The following FGF12 variants were observed in gnomAD, a reference collection of about 807,000 sequenced individuals.
The protein encoded by FGF12 is fibroblast growth factor 12, also known as fibroblast growth factor 12B.
A neutral mutation model predicts 23.6 loss-of-function variants in FGF12; 14 were observed. That is an observed-to-expected ratio of 0.59 (90% CI 0.39 to 0.93). The LOEUF (loss-of-function observed/expected upper bound fraction) is 0.93, where lower values mean the gene tolerates loss of function less well. Among genes scored for constraint, FGF12 ranks in the 40% least tolerant of loss-of-function variants. The pLI, the probability that FGF12 is intolerant of heterozygous loss-of-function variation, is 0.00. For missense variants in FGF12, 175 were observed against 217.8 expected (o/e 0.80, Z 1.24); for synonymous variants, 62 against 77.3 (o/e 0.80, Z 1.04).
At chr3:192,198,148 G>C (rs780104717) in intron 4 of FGF12, among the ~76,000 whole-genome samples, 6 of 152,018 alleles carry the variant, frequency 3.9e-5, no homozygotes, top group Non-Finnish European at 7.4e-5. Context: ...TCTAAAGGCA[G>C]AGAGCTGAGT....
At chr3:192,187,028 C>G (rs1222761154) in intron 4 of FGF12, among the ~76,000 whole-genome samples, 1 of 152,132 alleles carries the variant, frequency 6.6e-6, no homozygotes, top group Non-Finnish European at 1.5e-5. Context: ...TAAAAGGAAG[C>G]CAACCTCACT....
At chr3:192,654,059 C>T (rs1325268635) in intron 2 of FGF12, among the ~76,000 whole-genome samples, 1 of 152,164 alleles carries the variant, frequency 6.6e-6, no homozygotes, top group African/African-American at 2.4e-5. Context: ...GTGTGCCACT[C>T]AGACTTCACA....
At chr3:192,218,716 A>G (rs538733759) in intron 4 of FGF12, among the ~76,000 whole-genome samples, 1 of 152,228 alleles carries the variant, frequency 6.6e-6, no homozygotes, top group Non-Finnish European at 1.5e-5. Flanking sequence ...GACTAATCCA[A>G]TATGATTCAC....
At chr3:192,210,337 T>C (rs1717865003) in intron 4 of FGF12, among the ~76,000 whole-genome samples, 2 of 152,038 alleles carry the variant, frequency 1.3e-5, no homozygotes, top group Non-Finnish European at 2.9e-5. Context: ...CTGACCTGCA[T>C]ATGTGTGAGA....
At chr3:192,365,829 A>G (rs1560087084) in intron 2 of FGF12, among the ~76,000 whole-genome samples, 1 of 152,136 alleles carries the variant, frequency 6.6e-6, no homozygotes, top group Admixed American at 6.6e-5. Context: ...GCTATGAAGT[A>G]TTTCCTAGGT....
At chr3:192,661,416 C>G (rs541454064) in intron 2 of FGF12, among the ~76,000 whole-genome samples, 3 of 152,112 alleles carry the variant, frequency 2.0e-5, no homozygotes, top group Non-Finnish European at 4.4e-5. Context: ...ATCCCAGCTA[C>G]TTGGGAGACT....
chr3:192,707,333 A>T (rs1411525238), intron 2 of FGF12, among the ~76,000 whole-genome samples: 1 of 152,230 alleles, frequency 6.6e-6, no homozygotes, highest in Non-Finnish European at 1.5e-5. Flanking sequence ...AGCTGGCTTC[A>T]TGGGAGCTGA....
intron 2 of FGF12, among the ~76,000 whole-genome samples, chr3:192,648,340 T>C (rs1430474861): frequency 1.3e-5 from 2 of 152,144 alleles, no homozygotes; most frequent in Non-Finnish European, 2.9e-5. Context: ...TTGGTTTTGT[T>C]GATTTTTGTC....
intron 4 of FGF12, among the ~76,000 whole-genome samples, chr3:192,217,649 T>C (rs533357371): frequency 2.0e-5 from 3 of 152,286 alleles, no homozygotes; most frequent in East Asian, 1.9e-4. Flanking sequence ...TTAGGAAAAA[T>C]ATATAAAATC....
At chr3:192,275,170 A>G (rs1225369589) in intron 4 of FGF12, among the ~76,000 whole-genome samples, 2 of 152,102 alleles carry the variant, frequency 1.3e-5, no homozygotes, top group Non-Finnish European at 1.5e-5. Flanking sequence ...TCCTGCACCA[A>G]GCCCAACAGA....
At chr3:192,572,305 A>G (rs2108606395) in intron 2 of FGF12, among the ~76,000 whole-genome samples, 1 of 152,348 alleles carries the variant, frequency 6.6e-6, no homozygotes, top group African/African-American at 2.4e-5. Flanking sequence ...TTGAGCGCCC[A>G]GTTGATCTTC....
At chr3:192,376,487 C>T (rs1343611052) in intron 2 of FGF12, among the ~76,000 whole-genome samples, 3 of 151,904 alleles carry the variant, frequency 2.0e-5, no homozygotes, top group African/African-American at 4.8e-5. Context: ...CTCAGCCTCC[C>T]GAGTAGCTGG....
At chr3:192,415,870 T>C (rs1002497716) in intron 2 of FGF12, among the ~76,000 whole-genome samples, 1 of 151,790 alleles carries the variant, frequency 6.6e-6, no homozygotes, top group Non-Finnish European at 1.5e-5. Context: ...TCTCAGAATA[T>C]GACTAAAATG....
intron 2 of FGF12, among the ~76,000 whole-genome samples, chr3:192,708,329 A>C (rs1718551208): frequency 6.6e-6 from 1 of 152,172 alleles, no homozygotes; most frequent in South Asian, 2.1e-4. Context: ...AAAGTGAAAG[A>C]AGGAAATCTT....
At chr3:192,613,416 T>G (rs1293251233) in intron 2 of FGF12, among the ~76,000 whole-genome samples, 1 of 151,942 alleles carries the variant, frequency 6.6e-6, no homozygotes, top group Non-Finnish European at 1.5e-5. Flanking sequence ...GAGAAAGTGT[T>G]TGCTATAAAA....
At chr3:192,328,132 G>A (rs1716911534) in intron 4 of FGF12, among the ~76,000 whole-genome samples, 1 of 151,642 alleles carries the variant, frequency 6.6e-6, no homozygotes, top group East Asian at 1.9e-4. Context: ...CAGAGTCACA[G>A]GTACGTATTT....
chr3:192,491,226 T>C (rs1320798895), intron 2 of FGF12, among the ~76,000 whole-genome samples: 1 of 152,142 alleles, frequency 6.6e-6, no homozygotes, highest in Non-Finnish European at 1.5e-5. Context: ...TGTATTACAA[T>C]GTTTGTATAT....
intron 2 of FGF12, among the ~76,000 whole-genome samples, chr3:192,677,850 C>T (rs939274037): frequency 3.9e-5 from 6 of 152,284 alleles, no homozygotes; most frequent in South Asian, 2.1e-4. Flanking sequence ...ACGTCTGGGG[C>T]AGGCTGACTG....
intron 2 of FGF12, among the ~76,000 whole-genome samples, chr3:192,505,885 G>C (rs978681554): frequency 1.3e-5 from 2 of 152,224 alleles, no homozygotes; most frequent in Non-Finnish European, 1.5e-5. Flanking sequence ...CACGAACTTC[G>C]AAGGAGGAGG....
Sources: allele counts gnomAD v4.1 joint callset (sites outside exome capture counted in the v4.1 genomes callset), GRCh38; gene constraint gnomAD v4.1.1; transcripts MANE v1.5; gene names NCBI Gene and HGNC (gene_info 2026-07-23, HGNC 2026-07-21).